The following SPSB3 variants were observed in gnomAD, a reference collection of about 807,000 sequenced individuals.
SPSB3 encodes splA/ryanodine receptor domain and SOCS box containing 3.
SPSB3 carries 18 observed loss-of-function variants against 29.5 expected under a neutral mutation model. The ratio of observed to expected loss-of-function variants is 0.61; its 90% confidence interval spans 0.42 to 0.91. The LOEUF is 0.91. Ranked by LOEUF, SPSB3 falls within the 40% of genes least tolerant of loss-of-function variation. SPSB3 has a pLI of 0.00. For synonymous variants in SPSB3, 299 were observed against 214.1 expected (o/e 1.40, Z -3.46); for missense variants, 540 against 507.5 (o/e 1.06, Z -0.61).
Position 1,777,189 on chromosome 16 carries a change from C to T in SPSB3, c.976G>A (p.Ala326Thr), listed in dbSNP as rs1355140242. The T allele has an allele frequency of 3.1e-6, 5 of 1,610,652 alleles. No homozygotes were observed. The highest frequency in any genetic ancestry group is 1.7e-5 in the Admixed American group (1 of 60,006). The change falls in exon 7 of 7, where the codon GCT becomes ACT. Residue 326 changes from alanine to threonine, a missense_variant. Physicochemically the swap from Ala to Thr is moderately conservative, Grantham distance 58. Coordinates refer to ENST00000566339, the MANE Select transcript of SPSB3 (RefSeq NM_080861.4). ...VLSMSCSRRK[A>T]PVSDPQAATS... ...GCTGCCTGGGGATCGGACACTGGAG[C>T]CTTGCGGCGGCTGCAACTCATGCTC...
intron 2 of SPSB3, chr16:1,780,412 C>T (rs1040574136): frequency 2.0e-5 from 3 of 152,332 alleles, no homozygotes; most frequent in African/African-American, 7.2e-5. Flanking sequence ...CAGCTGCCCT[C>T]AGGGTCTGCC....
chr16:1,778,942 C>T (rs1423642990), intron 2 of SPSB3: 1 of 241,312 alleles, frequency 4.1e-6, no homozygotes, highest in Non-Finnish European at 8.0e-6. Context: ...GACACCTTCC[C>T]TGCTAGGCCA....
chr16:1,780,947 G>C (rs186945317), intron 2 of SPSB3: 21 of 347,470 alleles, frequency 6.0e-5, no homozygotes, highest in African/African-American at 4.5e-4. Flanking sequence ...TGCCCAGGCA[G>C]GTCTCAAACT....
Position 1,778,630 on chromosome 16 carries a change from G to A in SPSB3, c.127-18C>T. On this transcript the variant is annotated intron_variant, in intron 2 of 6. Coordinates refer to ENST00000566339, the MANE Select transcript of SPSB3 (RefSeq NM_080861.4). ...TCGCTGTGCTGGGAGAGAAGGGCCG[G>A]CTGTTACTACCTGTTGCCCGCTCTC... 1 of 1,532,304 alleles carries A rather than the reference G, an allele frequency of 6.5e-7. No individual in the cohort carries two copies. Among genetic ancestry groups the A allele is most frequent in the Non-Finnish European group, 8.8e-7 (1 of 1,139,396 alleles). 94.9% of individuals were successfully genotyped at this position (1,532,304 alleles called of 1,614,324 possible). A position where few individuals can be genotyped will look rare whatever the true frequency, so the allele number is the denominator to read the frequency against.
In SPSB3 at chr16:1,776,927, G is replaced by A. The variant is rs1469161107; in HGVS notation, c.*170C>T. The A allele has an allele frequency of 5.3e-6, 4 of 753,196 alleles. No homozygotes were observed. Among genetic ancestry groups the A allele is most frequent in the African/African-American group, 3.5e-5 (2 of 56,676 alleles). The allele number at this position is 753,196 out of a possible 1,614,324, so 46.7% of individuals were successfully genotyped here. The stretch of plus-strand genomic sequence containing the variant: ...CCAGCACAGCAGCAGAGGGGCCCTA[G>A]AGCCCCCACAGAAAGGACTGTCCCA... On this transcript the variant is annotated 3_prime_UTR_variant, in exon 7 of 7. Transcript: ENST00000566339.
At chr16:1,777,628 G>A in intron 6 of SPSB3, 119 bp downstream of exon 6, 2 of 1,503,662 alleles carry the variant, frequency 1.3e-6, no homozygotes, top group Non-Finnish European at 1.8e-6. Flanking sequence ...GGACCCTGGG[G>A]CCTCAGGCTT....
In SPSB3 at chr16:1,778,272, C is replaced by T. The variant is rs993213775; in HGVS notation, c.354G>A (p.Leu118=). The change falls in exon 4 of 7, where the codon CTG becomes CTA. Residue 118 remains leucine, a synonymous_variant. Transcript: ENST00000566339. Reference sequence around the variant, plus strand: ...AGCTGACCTTACGGTTGTCACAGCTCAGCAGGGTGGCTGATGACTTATTTA... The same window carrying T: ...AGCTGACCTTACGGTTGTCACAGCTTAGCAGGGTGGCTGATGACTTATTTA... ...DDLNKSSATL[L]SCDNRKVSFH... is the part of the protein sequence containing the mutation. 8 of 1,612,826 alleles carry T rather than the reference C, an allele frequency of 5.0e-6. No individual in the cohort carries two copies. The highest frequency in any genetic ancestry group is 5.9e-6 in the Non-Finnish European group (7 of 1,180,004).
chr16:1,777,773 G>T lies in SPSB3; in HGVS notation c.695C>A (p.Thr232Asn). ...VHLDTWHGTL[T>N]FFKNRKCIGV... ...TATACACTTCCTGTTCTTGAAAAAGGTGAGTGTGCCGTGCCAGGTGTCCAG... is the reference window on the plus strand; with the variant it reads ...TATACACTTCCTGTTCTTGAAAAAGTTGAGTGTGCCGTGCCAGGTGTCCAG... The change falls in exon 6 of 7, where the codon ACC becomes AAC. Residue 232 changes from threonine to asparagine, a missense_variant. By Grantham distance (65) the Thr-to-Asn change is moderately conservative. Transcript: ENST00000566339. 1 of 1,612,778 alleles carries T rather than the reference G, an allele frequency of 6.2e-7. No homozygotes were observed. Among genetic ancestry groups the T allele is most frequent in the Non-Finnish European group, 8.5e-7 (1 of 1,179,926 alleles).
In SPSB3 at chr16:1,777,380, C is replaced by T. The variant is rs541295978; in HGVS notation, c.785G>A (p.Arg262Gln). 28 of 1,598,386 alleles carry T rather than the reference C, an allele frequency of 1.8e-5. No individual in the cohort carries two copies. The highest frequency in any genetic ancestry group is 4.0e-5 in the African/African-American group (3 of 74,928). The part of the protein sequence containing the change: ...FYPMVCSTAA[R>Q]SSMKVTRSCA... ...GGAGCGGGTGACCTTCATGCTGCTC[C>T]GGGCCGCCGTGGAGCACACCATCGG... is the stretch of plus-strand genomic sequence containing the variant. Residue 262 changes from arginine (R) to glutamine (Q), a missense_variant, in exon 7 of 7, where the codon CGG becomes CAG. Coordinates refer to ENST00000566339, the MANE Select transcript of SPSB3 (RefSeq NM_080861.4).
In SPSB3 at chr16:1,777,880, C is replaced by T. The variant is rs2042737572; in HGVS notation, c.596-8G>A. The stretch of plus-strand genomic sequence containing the variant: ...CCTTGTGGTGGAGGAGGCCTGGGGG[C>T]AGCCAGGGTCGCAGTGAGCCCGGGA... On this transcript the variant is annotated splice_polypyrimidine_tract_variant and splice_region_variant and intron_variant, in intron 5 of 6. Coordinates refer to ENST00000566339, the MANE Select transcript of SPSB3 (RefSeq NM_080861.4). 5.0e-6 allele frequency: 8 copies of T among 1,612,086 alleles called. 1 individual carries two copies. The highest frequency in any genetic ancestry group is 3.3e-5 in the Admixed American group (2 of 59,988).
In SPSB3 at chr16:1,781,485, G is replaced by A; in HGVS notation, c.-2C>T. On this transcript the variant is annotated 5_prime_UTR_variant, in exon 2 of 7. Coordinates refer to ENST00000566339, the MANE Select transcript of SPSB3 (RefSeq NM_080861.4). ...GCTGTTCCGGGGGCGTCTGGCCATG[G>A]TGGAAAGAATCTAGAAGAAAACACA... is the stretch of plus-strand genomic sequence containing the variant. 2 of 1,611,972 alleles carry A rather than the reference G, an allele frequency of 1.2e-6. No homozygotes were observed. Among genetic ancestry groups the A allele is most frequent in the Non-Finnish European group, 1.7e-6 (2 of 1,179,584 alleles).
At position 1,778,502 on chromosome 16, in the gene SPSB3, G is replaced by A; in HGVS notation, c.237C>T (p.Ala79=). Reference sequence around the variant, plus strand: ...CCGAGTGCAGGCTGCTACAGAAGGAGGCCTCGCTCTGCCCAGCACAGTCAC... The same window carrying A: ...CCGAGTGCAGGCTGCTACAGAAGGAAGCCTCGCTCTGCCCAGCACAGTCAC... The part of the protein sequence containing the change: ...SFCDCAGQSE[A]SFCSSLHSAH... The change falls in exon 3 of 7, where the codon GCC becomes GCT. Residue 79 remains alanine, a synonymous_variant. Coordinates refer to ENST00000566339, the MANE Select transcript of SPSB3 (RefSeq NM_080861.4). 3 of 1,612,086 alleles carry A rather than the reference G, an allele frequency of 1.9e-6. No individual in the cohort carries two copies. Among genetic ancestry groups the A allele is most frequent in the Non-Finnish European group, 2.5e-6 (3 of 1,179,650 alleles).
chr16:1,780,243 C>T (rs971100958), intron 2 of SPSB3: 1 of 152,410 alleles, frequency 6.6e-6, no homozygotes, highest in African/African-American at 2.4e-5. Flanking sequence ...CCAGGAGAGA[C>T]TGCTCCAGGG....
Position 1,778,508 on chromosome 16 carries a change from G to A in SPSB3, c.231C>T (p.Ser77=), listed in dbSNP as rs77388088. ...GCAGGCTGCTACAGAAGGAGGCCTC[G>A]CTCTGCCCAGCACAGTCACAGAAGG... is the stretch of plus-strand genomic sequence containing the variant. ...GESFCDCAGQ[S]EASFCSSLHS... is the part of the protein sequence containing the mutation. Residue 77 remains serine (S), a synonymous_variant, in exon 3 of 7, where the codon AGC becomes AGT. Transcript: ENST00000566339. 1.4e-4 allele frequency: 231 copies of A among 1,612,018 alleles called. No individual in the cohort carries two copies. In the African/African-American group the frequency reaches 2.7e-3, roughly 19 times the overall value.
rs558488725 is a variant in SPSB3, at chr16:1,777,265, C to T, written c.900G>A (p.Pro300=). Residue 300 remains proline (P), a synonymous_variant, in exon 7 of 7, where the codon CCG becomes CCA. Transcript: ENST00000566339. Reference sequence around the variant, plus strand: ...GCACCTGCTTGAGGCCCGGCGGCAGCGGCAGACCCTCCAGCGTGTCTCCCG... The same window carrying T: ...GCACCTGCTTGAGGCCCGGCGGCAGTGGCAGACCCTCCAGCGTGTCTCCCG... ...PDSGDTLEGL[P]LPPGLKQVLH... 8.7e-6 allele frequency: 14 copies of T among 1,610,470 alleles called. No homozygotes were observed. Among genetic ancestry groups the T allele is most frequent in the African/African-American group, 6.7e-5 (5 of 75,064 alleles).
intron 1 of SPSB3, 108 bp from the exon 2 acceptor site, chr16:1,781,603 A>C: frequency 1.6e-6 from 2 of 1,226,524 alleles, no homozygotes; most frequent in Non-Finnish European, 2.3e-6. Flanking sequence ...CAGGGGCCGC[A>C]CCGGTGCCCA....
chr16:1,779,913 G>C (rs1351874254), intron 2 of SPSB3: 1 of 152,228 alleles, frequency 6.6e-6, no homozygotes, highest in East Asian at 1.9e-4. Flanking sequence ...GGCTGGAGCA[G>C]GGAGCTCCAG....
In SPSB3 at chr16:1,777,096, G is replaced by T; in HGVS notation, c.*1C>A. ...AGAAGGCAGTTCCACTGGGAAGTCA[G>T]TCAGGTCCGGCGGCAGCGCTTCCTC... On this transcript the variant is annotated 3_prime_UTR_variant, in exon 7 of 7. Coordinates refer to ENST00000566339, the MANE Select transcript of SPSB3 (RefSeq NM_080861.4). 6.2e-7 allele frequency: 1 copy of T among 1,609,786 alleles called. No individual in the cohort carries two copies. The highest frequency in any genetic ancestry group is 8.5e-7 in the Non-Finnish European group (1 of 1,178,074).
Position 1,777,460 on chromosome 16 carries a change from C to T in SPSB3, c.722-17G>A, listed in dbSNP as rs1375869366. The T allele has an allele frequency of 4.7e-6, 7 of 1,479,962 alleles. No individual in the cohort carries two copies. Among genetic ancestry groups the T allele is most frequent in the Non-Finnish European group, 5.4e-6 (6 of 1,116,606 alleles). The allele number at this position is 1,479,962 out of a possible 1,614,324, so 91.7% of individuals were successfully genotyped here. On this transcript the variant is annotated splice_polypyrimidine_tract_variant and intron_variant, in intron 6 of 6. Transcript: ENST00000566339. The stretch of plus-strand genomic sequence containing the variant: ...CTGCCACACCTGGAAGGGAGGGGCC[C>T]AGCCTGAACCCCAGGCAGGGAAGGG...
Sources: gnomAD v4.1 joint callset for allele counts on GRCh38, gnomAD v4.1.1 for gene constraint, MANE v1.5 for transcripts, NCBI Gene and HGNC (gene_info 2026-07-23, HGNC 2026-07-21) for gene names.